PLEKHA7: variants seen among roughly 807,000 people sequenced by gnomAD.
The protein encoded by PLEKHA7 is pleckstrin homology domain containing A7.
PLEKHA7 carries 104 observed loss-of-function variants against 170.0 expected under a neutral mutation model. The observed-to-expected ratio is 0.61, with a 90% CI of 0.52 to 0.72. PLEKHA7 has a LOEUF of 0.72. Ranked by LOEUF, PLEKHA7 falls within the 30% of genes least tolerant of loss-of-function variation. The pLI is 0.00. For missense variants in PLEKHA7, 1,615 were observed against 1,671.7 expected (o/e 0.97, Z 0.59); for synonymous variants, 648 against 660.8 (o/e 0.98, Z 0.30).
intron 8 of PLEKHA7, among the ~76,000 whole-genome samples, chr11:16,846,007 G>A (rs968555868): frequency 6.6e-6 from 1 of 152,154 alleles, no homozygotes; most frequent in Non-Finnish European, 1.5e-5. Context: ...AAAAGAGGCC[G>A]GGTGTAGTGG....
intron 3 of PLEKHA7, among the ~76,000 whole-genome samples, chr11:16,885,711 C>T (rs1380283004): frequency 6.6e-6 from 1 of 150,430 alleles, no homozygotes; most frequent in Non-Finnish European, 1.5e-5. Context: ...AGGTAAACCC[C>T]GGCCAGGCAC....
At chr11:16,904,759 T>C (rs1390565989) in intron 3 of PLEKHA7, among the ~76,000 whole-genome samples, 1 of 152,242 alleles carries the variant, frequency 6.6e-6, no homozygotes, top group Non-Finnish European at 1.5e-5. Flanking sequence ...TTCATAAATA[T>C]ACTTTGCATA....
Position 16,826,565 on chromosome 11 carries a change from C to T in PLEKHA7, c.898G>A (p.Ala300Thr). The change falls in exon 10 of 27, where the codon GCT becomes ACT. Residue 300 changes from alanine (A) to threonine (T), a missense_variant. Coordinates refer to ENST00000531066, the MANE Select transcript of PLEKHA7 (RefSeq NM_001329630.2). Reference protein sequence around the residue: ...KRDMEKVERQAVPQANHTESC... With the variant: ...KRDMEKVERQTVPQANHTESC... The stretch of plus-strand genomic sequence containing the variant: ...TCTGTGTGGTTGGCCTGGGGGACAG[C>T]CTGCCGCTCCACCTTCTCCATATCC... The T allele has an allele frequency of 6.2e-7, 1 of 1,613,668 alleles. No individual in the cohort carries two copies. The highest frequency in any genetic ancestry group is 8.5e-7 in the Non-Finnish European group (1 of 1,179,906).
intron 3 of PLEKHA7, among the ~76,000 whole-genome samples, chr11:16,884,545 G>C (rs367373): frequency 0.28 from 42,441 of 152,036 alleles, 6,118 homozygotes; most frequent in Non-Finnish European, 0.3. Flanking sequence ...TGAGCCAGGA[G>C]AATTGTTTGA....
At chr11:17,008,622 T>G (rs1865152174) in intron 3 of PLEKHA7, among the ~76,000 whole-genome samples, 1 of 152,166 alleles carries the variant, frequency 6.6e-6, no homozygotes, top group Non-Finnish European at 1.5e-5. Context: ...CACTGATTCC[T>G]CAAGAGATGC....
At chr11:16,901,960 A>T (rs1376043159) in intron 3 of PLEKHA7, among the ~76,000 whole-genome samples, 11 of 152,292 alleles carry the variant, frequency 7.2e-5, no homozygotes, top group Admixed American at 2.0e-4. Context: ...AAAACATTTC[A>T]TTGCCCTAAA....
chr11:16,976,745 G>A lies in PLEKHA7; in HGVS notation c.221+37244C>T, dbSNP rs570544988. 4.6e-5 allele frequency among the ~76,000 whole-genome samples: 7 copies of A among 152,350 alleles called. No homozygotes were observed. In the South Asian group the frequency reaches 1.4e-3, roughly 32 times the overall value. On this transcript the variant is annotated intron_variant, in intron 3 of 26. Transcript: ENST00000531066. Reference sequence around the variant, plus strand: ...TGGAACAAACTGTTTTCTTAGAGCGGTTCGGATGTCTTCCTGTCATTTTTT... The same window carrying A: ...TGGAACAAACTGTTTTCTTAGAGCGATTCGGATGTCTTCCTGTCATTTTTT...
intron 8 of PLEKHA7, among the ~76,000 whole-genome samples, chr11:16,846,241 C>T (rs979943992): frequency 6.6e-6 from 1 of 151,516 alleles, no homozygotes; most frequent in Non-Finnish European, 1.5e-5. Context: ...GTGGAGATCA[C>T]GCGACTACAC....
chr11:16,972,826 C>T lies in PLEKHA7; in HGVS notation c.221+41163G>A, dbSNP rs544718563. On this transcript the variant is annotated intron_variant, in intron 3 of 26. Coordinates refer to ENST00000531066, the MANE Select transcript of PLEKHA7 (RefSeq NM_001329630.2). Reference sequence around the variant, plus strand: ...TTACACACGTGCTGTGACTCAGCAGCTGGATTTTCATAAATGCCTAAAAAA... The same window carrying T: ...TTACACACGTGCTGTGACTCAGCAGTTGGATTTTCATAAATGCCTAAAAAA... Among the ~76,000 whole-genome samples, 4 of 152,322 alleles carry T rather than the reference C, an allele frequency of 2.6e-5. No individual in the cohort carries two copies. The East Asian group carries it at 7.7e-4, about 29-fold the overall frequency.
chr11:16,845,422 A>C (rs1852313959), intron 8 of PLEKHA7, among the ~76,000 whole-genome samples: 1 of 152,210 alleles, frequency 6.6e-6, no homozygotes, highest in Admixed American at 6.5e-5. Context: ...GCTGGAGTGC[A>C]GTGGTACTGT....
At chr11:16,931,605 C>A (rs177558) in intron 3 of PLEKHA7, among the ~76,000 whole-genome samples, 18,532 of 150,706 alleles carry the variant, frequency 0.12, 1,131 homozygotes, top group Admixed American at 0.16. Context: ...CAAAACAAAA[C>A]AAAAAAAACT....
chr11:16,912,563 A>G (rs1055246937), intron 3 of PLEKHA7, among the ~76,000 whole-genome samples: 2 of 152,178 alleles, frequency 1.3e-5, no homozygotes, highest in Admixed American at 6.5e-5. Flanking sequence ...TTCAATCAAG[A>G]CCTACACTGT....
chr11:16,817,007 C>A lies in PLEKHA7; in HGVS notation c.1659G>T (p.Arg553=), dbSNP rs1052183813. The A allele has an allele frequency of 6.2e-7, 1 of 1,603,652 alleles. No homozygotes were observed. Among genetic ancestry groups the A allele is most frequent in the Non-Finnish European group, 8.5e-7 (1 of 1,174,006 alleles). Residue 553 remains arginine, a synonymous_variant, in exon 11 of 27, where the codon CGG becomes CGT. Coordinates refer to ENST00000531066, the MANE Select transcript of PLEKHA7 (RefSeq NM_001329630.2). This position sits in a 1 kb window ranked among gnomAD's most constrained non-coding sequence, Gnocchi z 4.4. ...LGSPEFTDQG[R]SRSMLEVPRS... is the part of the protein sequence containing the mutation. The stretch of plus-strand genomic sequence containing the variant: ...GGGGCACCTCTAGCATGCTCCTGCT[C>A]CGGCCCTGGTCGGTGAACTCTGGGG...
chr11:16,920,232 A>G (rs1472228348), intron 3 of PLEKHA7, among the ~76,000 whole-genome samples: 1 of 152,224 alleles, frequency 6.6e-6, no homozygotes, highest in African/African-American at 2.4e-5. Context: ...TAAATTCCGA[A>G]GAGAGGAATG....
intron 3 of PLEKHA7, among the ~76,000 whole-genome samples, chr11:17,009,446 A>G (rs1402282221): frequency 6.6e-6 from 1 of 152,196 alleles, no homozygotes; most frequent in Non-Finnish European, 1.5e-5. Context: ...TAAATCAATG[A>G]CAGTTACAGA....
At chr11:16,864,612 C>T (rs1189481047) in intron 4 of PLEKHA7, among the ~76,000 whole-genome samples, 1 of 152,154 alleles carries the variant, frequency 6.6e-6, no homozygotes, top group Non-Finnish European at 1.5e-5. Flanking sequence ...TTTTCCCATG[C>T]TGTTCTTGTG....
At chr11:16,910,663 G>T (rs576011907) in intron 3 of PLEKHA7, among the ~76,000 whole-genome samples, 3 of 152,276 alleles carry the variant, frequency 2.0e-5, no homozygotes, top group East Asian at 3.9e-4. Context: ...TGTCACAACT[G>T]GGAAGCACTA....
At chr11:16,809,464 AC>A (rs1262993567) in intron 13 of PLEKHA7, among the ~76,000 whole-genome samples, 1 of 151,770 alleles carries the variant, frequency 6.6e-6, no homozygotes, top group African/African-American at 2.4e-5. Context: ...TCCTTACCTC[AC>A]CCCCCTCCAA....
chr11:16,857,595 T>C (rs1387602804), intron 4 of PLEKHA7, among the ~76,000 whole-genome samples: 1 of 152,250 alleles, frequency 6.6e-6, no homozygotes, highest in Non-Finnish European at 1.5e-5. Context: ...CTCTTCAGAC[T>C]TCTGGAGGTT....
Sources: allele counts gnomAD v4.1 joint callset (sites outside exome capture counted in the v4.1 genomes callset), GRCh38; gene constraint gnomAD v4.1.1; non-coding constraint Gnocchi (gnomAD v3.1); transcripts MANE v1.5; gene names NCBI Gene and HGNC (gene_info 2026-07-23, HGNC 2026-07-21).